Variants in CHCHD6 observed in about 807,000 individuals in gnomAD.
CHCHD6 encodes coiled-coil-helix-coiled-coil-helix domain containing 6.
Under a neutral mutation model 32.3 loss-of-function variants are expected in CHCHD6, and 28 were observed. The observed-to-expected ratio is 0.87, with a 90% confidence interval of 0.64 to 1.19. The LOEUF (loss-of-function observed/expected upper bound fraction) is 1.19, where lower values mean the gene tolerates loss of function less well. CHCHD6 is among the 50% of genes most tolerant of loss of function. CHCHD6 has a pLI of 0.00. For missense variants in CHCHD6, 333 were observed against 307.0 expected (o/e 1.08, Z -0.63); for synonymous variants, 122 against 117.5 (o/e 1.04, Z -0.25).
At chr3:126,959,889 G>A (rs1156975341) in intron 7 of CHCHD6, among the ~76,000 whole-genome samples, 1 of 152,220 alleles carries the variant, frequency 6.6e-6, no homozygotes, top group African/African-American at 2.4e-5. Flanking sequence ...CAGAAACACC[G>A]CAGCAGGTTG....
chr3:126,808,960 C>G (rs1165209372), intron 4 of CHCHD6, among the ~76,000 whole-genome samples: 2 of 142,608 alleles, frequency 1.4e-5, no homozygotes, highest in Non-Finnish European at 3.0e-5. Flanking sequence ...GTTGCCATGA[C>G]CTTTGAGTGG....
intron 4 of CHCHD6, among the ~76,000 whole-genome samples, chr3:126,758,881 A>G (rs1937063302): frequency 6.6e-6 from 1 of 152,214 alleles, no homozygotes; most frequent in African/African-American, 2.4e-5. Flanking sequence ...TTGTAATAGA[A>G]GCTCATTTCC....
At position 126,946,195 on chromosome 3, in the gene CHCHD6, G is replaced by A. The variant is rs140722881; in HGVS notation, c.567-11221G>A. On this transcript the variant is annotated intron_variant, in intron 6 of 7. Transcript: ENST00000290913. ...TTCAGCCACAGGCGGGCTGGAAGTC[G>A]TCATCCCCCAGCACCAAAGGCCACC... Among the ~76,000 whole-genome samples, 918 of 152,264 alleles carry A rather than the reference G, an allele frequency of 6.0e-3. 11 individuals are homozygous for A. Among genetic ancestry groups the A allele is most frequent in the African/African-American group, 0.015 (642 of 41,534 alleles).
intron 6 of CHCHD6, among the ~76,000 whole-genome samples, chr3:126,933,710 C>T (rs1403264586): frequency 1.3e-5 from 2 of 152,200 alleles, no homozygotes; most frequent in Non-Finnish European, 2.9e-5. Context: ...GACCCACCTC[C>T]AACACTGGGG....
At chr3:126,888,673 G>A (rs1010948427) in intron 5 of CHCHD6, among the ~76,000 whole-genome samples, 4 of 152,186 alleles carry the variant, frequency 2.6e-5, no homozygotes, top group African/African-American at 4.8e-5. Flanking sequence ...GACAGCCCTC[G>A]TCTGGTGAGT....
chr3:126,785,384 A>C (rs1002136222), intron 4 of CHCHD6, among the ~76,000 whole-genome samples: 4 of 152,230 alleles, frequency 2.6e-5, no homozygotes, highest in African/African-American at 4.8e-5. Context: ...CTGCTGTAAC[A>C]GATTACCAGT....
At chr3:126,917,331 G>T (rs1338930953) in intron 6 of CHCHD6, among the ~76,000 whole-genome samples, 2 of 152,182 alleles carry the variant, frequency 1.3e-5, no homozygotes, top group Non-Finnish European at 2.9e-5. Context: ...TGGTTCTGTG[G>T]CAGGGCTGGG....
intron 4 of CHCHD6, among the ~76,000 whole-genome samples, chr3:126,805,001 C>G (rs1402151013): frequency 8.6e-5 from 13 of 152,046 alleles, no homozygotes; most frequent in Admixed American, 4.6e-4. Context: ...AATTCAACAA[C>G]CCTTCATGCT....
At chr3:126,952,633 C>T (rs1018380423) in intron 6 of CHCHD6, among the ~76,000 whole-genome samples, 6 of 152,162 alleles carry the variant, frequency 3.9e-5, no homozygotes, top group African/African-American at 1.4e-4. Flanking sequence ...CAGGCAGCAC[C>T]TCTCTAAGCA....
chr3:126,739,308 CT>C (rs1936189821), intron 4 of CHCHD6, among the ~76,000 whole-genome samples: 1 of 152,098 alleles, frequency 6.6e-6, no homozygotes, highest in African/African-American at 2.4e-5. Context: ...AAATATTTTA[CT>C]CTTTGCAGTC....
chr3:126,807,822 A>G (rs982328165), intron 4 of CHCHD6, among the ~76,000 whole-genome samples: 4 of 152,192 alleles, frequency 2.6e-5, no homozygotes, highest in Admixed American at 1.3e-4. Flanking sequence ...GTGGCTTAGA[A>G]CAGGGAGTGG....
At chr3:126,779,467 G>A (rs905365590) in intron 4 of CHCHD6, among the ~76,000 whole-genome samples, 12 of 147,412 alleles carry the variant, frequency 8.1e-5, no homozygotes, top group African/African-American at 2.8e-4. Flanking sequence ...AACTTGGGAA[G>A]TGGAGGTTGC....
At chr3:126,862,265 CCTCCTCCTCCTCTACCAT>C in intron 5 of CHCHD6, among the ~76,000 whole-genome samples, 1 of 134,566 alleles carries the variant, frequency 7.4e-6, no homozygotes, top group African/African-American at 2.8e-5. Flanking sequence ...TCCTCCATCA[CCTCCTCCTCCTCTACCAT>C]CACCACCTCC....
intron 6 of CHCHD6, among the ~76,000 whole-genome samples, chr3:126,938,352 G>A (rs1343206141): frequency 6.6e-6 from 1 of 152,198 alleles, no homozygotes; most frequent in South Asian, 2.1e-4. Flanking sequence ...TTACAGAACC[G>A]CTCTTCATCT....
intron 5 of CHCHD6, among the ~76,000 whole-genome samples, chr3:126,870,344 G>A (rs1051417349): frequency 5.3e-5 from 8 of 152,180 alleles, no homozygotes; most frequent in Admixed American, 1.3e-4. Context: ...TGGAGTCGCC[G>A]TGGCTGTTAC....
intron 4 of CHCHD6, among the ~76,000 whole-genome samples, chr3:126,824,037 C>G (rs1275803154): frequency 6.6e-6 from 1 of 152,060 alleles, no homozygotes; most frequent in Admixed American, 6.6e-5. Context: ...ATCGCCACAC[C>G]ACTGCATTCT....
intron 7 of CHCHD6, chr3:126,957,928 G>C (rs1244631018): frequency 5.5e-6 from 2 of 362,346 alleles, no homozygotes; most frequent in East Asian, 1.3e-4. Context: ...AGTGCAGAGT[G>C]GGGGTCCCAG....
At chr3:126,762,758 C>T (rs1937209026) in intron 4 of CHCHD6, among the ~76,000 whole-genome samples, 1 of 152,122 alleles carries the variant, frequency 6.6e-6, no homozygotes, top group African/African-American at 2.4e-5. Flanking sequence ...TTTTTCAGTG[C>T]ATGTATATTT....
chr3:126,847,882 C>T (rs1941344797), intron 4 of CHCHD6, among the ~76,000 whole-genome samples: 1 of 152,130 alleles, frequency 6.6e-6, no homozygotes, highest in African/African-American at 2.4e-5. Context: ...CTTGTCCTCT[C>T]CAGTCTTTCC....
Sources: allele counts gnomAD v4.1 joint callset (sites outside exome capture counted in the v4.1 genomes callset), GRCh38; gene constraint gnomAD v4.1.1; transcripts MANE v1.5; gene names NCBI Gene and HGNC (gene_info 2026-07-23, HGNC 2026-07-21).